Variants in PCNT observed in about 807,000 individuals in gnomAD.
PCNT encodes kendrin.
PCNT carries 319 observed loss-of-function variants against 380.4 expected under a neutral mutation model. That is an observed-to-expected ratio of 0.84 (90% CI 0.77 to 0.92). The LOEUF is 0.92. Among genes scored for constraint, PCNT ranks in the 40% least tolerant of loss-of-function variants. PCNT has a pLI of 0.00. For missense variants in PCNT, 4,400 were observed against 4,255.3 expected, an observed-to-expected ratio of 1.03 and a Z score of -0.95; for synonymous variants, 1,845 against 1,735.2, an observed-to-expected ratio of 1.06 and a Z score of -1.57.
In PCNT at chr21:46,411,925, A is replaced by C. The variant is rs2147677546; in HGVS notation, c.5852A>C (p.Gln1951Pro). Residue 1951 changes from glutamine (Q) to proline (P), a missense_variant, in exon 28 of 47, where the codon CAG (glutamine) becomes CCG (proline). Coordinates refer to ENST00000359568, the MANE Select transcript of PCNT (RefSeq NM_006031.6). ...LRCQVELDRR[Q>P]ARRATAHTRV... ...TGCCAGGTGGAGCTGGACAGGCGGC[A>C]GGCCCGCAGAGCCACAGCTCACACA... 1 of 1,591,248 alleles carries C rather than the reference A, an allele frequency of 6.3e-7. No individual in the cohort carries two copies. Among genetic ancestry groups the C allele is most frequent in the Middle Eastern group, 2.0e-4 (1 of 4,990 alleles).
In PCNT at chr21:46,445,617, C is replaced by G. The variant is rs2148148880; in HGVS notation, c.*290C>G. ...TGCTGTTGTGTGCCTATCGGCAGAT[C>G]CATCCTTCCTGCCTCCAAGGAGGAT... On this transcript the variant is annotated 3_prime_UTR_variant, in exon 47 of 47. Coordinates refer to ENST00000359568, the MANE Select transcript of PCNT (RefSeq NM_006031.6). The G allele has an allele frequency of 2.2e-6, 1 of 449,180 alleles. No individual in the cohort carries two copies. The highest frequency in any genetic ancestry group is 3.8e-5 in the East Asian group (1 of 26,058). The allele number at this position is 449,180 out of a possible 1,614,324, so 27.8% of individuals were successfully genotyped here.
intron 43 of PCNT, among the ~76,000 whole-genome samples, 196 bp downstream of exon 43, chr21:46,441,280 C>A (rs553824655): frequency 1.3e-5 from 2 of 152,326 alleles, no homozygotes; most frequent in African/African-American, 4.8e-5. Flanking sequence ...GAATCTCTCA[C>A]CTTCTAAAAC....
At chr21:46,412,222 G>T (rs1283526237) in intron 28 of PCNT, among the ~76,000 whole-genome samples, 155 bp downstream of exon 28, 3 of 152,234 alleles carry the variant, frequency 2.0e-5, no homozygotes, top group Non-Finnish European at 2.9e-5. Context: ...GCTCGGGCCA[G>T]CCTGGGCCTG....
intron 3 of PCNT, among the ~76,000 whole-genome samples, chr21:46,345,065 A>T (rs2084023042): frequency 6.6e-6 from 1 of 152,152 alleles, no homozygotes; most frequent in Non-Finnish European, 1.5e-5. Flanking sequence ...TTTACCTTTC[A>T]TCGGTACCCA....
chr21:46,376,685 C>T (rs1030580366), intron 15 of PCNT, among the ~76,000 whole-genome samples: 1 of 152,216 alleles, frequency 6.6e-6, no homozygotes, highest in Admixed American at 6.5e-5. Context: ...CCTGTTTGGA[C>T]CTCTTACTCC....
Position 46,359,916 on chromosome 21 carries a change from GCA to G in PCNT, c.2154+2728_2154+2729del, listed in dbSNP as rs562658832. Reference sequence around the variant, plus strand: ...CTATTGCCCAGGCTGGAGTGCAGTGGCACAGTCTTGGCTCACTGCAACCTCTT... The same window carrying G: ...CTATTGCCCAGGCTGGAGTGCAGTGGCAGTCTTGGCTCACTGCAACCTCTT... On this transcript the variant is annotated intron_variant, in intron 13 of 46. Coordinates refer to ENST00000359568, the MANE Select transcript of PCNT (RefSeq NM_006031.6). 4.3e-3 allele frequency among the ~76,000 whole-genome samples: 651 copies of G among 151,258 alleles called. 6 individuals carry two copies. The highest frequency in any genetic ancestry group is 0.015 in the African/African-American group (628 of 41,178).
chr21:46,352,045 G>A (rs1474232343), intron 9 of PCNT, among the ~76,000 whole-genome samples: 1 of 152,228 alleles, frequency 6.6e-6, no homozygotes, highest in Non-Finnish European at 1.5e-5. Context: ...CCCCCATTCC[G>A]TGTCAGAGAG....
intron 21 of PCNT, among the ~76,000 whole-genome samples, chr21:46,393,028 G>A (rs371948202): frequency 1.3e-5 from 2 of 152,198 alleles, no homozygotes; most frequent in Non-Finnish European, 2.9e-5. Flanking sequence ...ACCTCCTGGC[G>A]TTGGGCCCTT....
chr21:46,411,040 G>A, intron 27 of PCNT, 149 bp from the exon 28 acceptor site: 1 of 811,254 alleles, frequency 1.2e-6, no homozygotes, highest in South Asian at 1.5e-5. Context: ...AGTGCATCCG[G>A]CACCAGCAGT....
At chr21:46,345,479 A>G (rs1226317560) in intron 3 of PCNT, among the ~76,000 whole-genome samples, 4 of 151,980 alleles carry the variant, frequency 2.6e-5, no homozygotes, top group African/African-American at 9.7e-5. Context: ...CGGCCTCCCA[A>G]ATTCTGGGAT....
intron 28 of PCNT, 61 bp from the exon 29 acceptor site, chr21:46,412,776 G>T (rs2086831626): frequency 1.9e-6 from 3 of 1,586,242 alleles, no homozygotes; most frequent in Non-Finnish European, 2.6e-6. Flanking sequence ...CAGGCCACCT[G>T]AGGGGCAGCC....
chr21:46,445,714 AAAAAC>A lies in PCNT; in HGVS notation c.*395_*399del, dbSNP rs1038846724. 9 of 193,116 alleles carry A rather than the reference AAAAAC, an allele frequency of 4.7e-5. No individual in the cohort carries two copies. Among genetic ancestry groups the A allele is most frequent in the East Asian group, 2.5e-4 (2 of 8,040 alleles). 12.0% of individuals were successfully genotyped at this position (193,116 alleles called of 1,614,324 possible). ...ACAGATGGAAACTTCATTTAAAAAT[AAAAAC>A]AAAACAACTCAAAAAGGAATAAAAT... On this transcript the variant is annotated 3_prime_UTR_variant, in exon 47 of 47. Transcript: ENST00000359568.
chr21:46,412,817 C>T lies in PCNT; in HGVS notation c.5995-20C>T, dbSNP rs2086833451. The stretch of plus-strand genomic sequence containing the variant: ...AACAGCCTCCTGCATGCTCAGCTTT[C>T]CTCTGTCTCCTCTGTCAAGGGTGAT... On this transcript the variant is annotated intron_variant, in intron 28 of 46. Transcript: ENST00000359568. 5.0e-6 allele frequency: 8 copies of T among 1,608,854 alleles called. No individual in the cohort carries two copies. The highest frequency in any genetic ancestry group is 5.9e-6 in the Non-Finnish European group (7 of 1,179,834).
chr21:46,378,158 C>G (rs1569221962), intron 15 of PCNT, among the ~76,000 whole-genome samples: 2 of 152,064 alleles, frequency 1.3e-5, no homozygotes, highest in East Asian at 1.9e-4. Context: ...GTGGTCGCCC[C>G]TTACCCACAG....
At chr21:46,399,138 A>G (rs572681339) in intron 24 of PCNT, among the ~76,000 whole-genome samples, 11 of 152,158 alleles carry the variant, frequency 7.2e-5, no homozygotes, top group Admixed American at 1.3e-4. Flanking sequence ...ATTCTTTTCT[A>G]TCAGAATAGA....
chr21:46,412,975 C>G lies in PCNT; in HGVS notation c.6133C>G (p.Leu2045Val), dbSNP rs1246736484. The change falls in exon 29 of 47, where the codon CTG (leucine) becomes GTG (valine). Residue 2045 changes from leucine to valine, a missense_variant. Physicochemically the swap from Leu to Val is conservative, Grantham distance 32. Coordinates refer to ENST00000359568, the MANE Select transcript of PCNT (RefSeq NM_006031.6). The part of the protein sequence containing the change: ...LLVKNEMRLS[L>V]EDGGKGKEKV... The stretch of plus-strand genomic sequence containing the variant: ...GGTGAAAAATGAAATGCGCCTGAGT[C>G]TGGAGGACGGCGGCAAGGTGTGGGG... The G allele has an allele frequency of 6.2e-7, 1 of 1,609,166 alleles. No homozygotes were observed. Among genetic ancestry groups the G allele is most frequent in the Admixed American group, 1.7e-5 (1 of 59,976 alleles).
intron 9 of PCNT, 99 bp from the exon 10 acceptor site, chr21:46,353,005 A>C: frequency 2.1e-6 from 2 of 964,262 alleles, no homozygotes; most frequent in Non-Finnish European, 3.3e-6. Flanking sequence ...CCCTTTTCCG[A>C]GTTCTGCCCC....
At chr21:46,353,453 A>G in intron 10 of PCNT, 127 bp downstream of exon 10, 1 of 819,006 alleles carries the variant, frequency 1.2e-6, no homozygotes, top group Non-Finnish European at 2.1e-6. Flanking sequence ...AACACATTTT[A>G]TGGTCCAGAT....
At chr21:46,422,513 G>A (rs2087298166) in intron 32 of PCNT, among the ~76,000 whole-genome samples, 1 of 152,194 alleles carries the variant, frequency 6.6e-6, no homozygotes, top group Non-Finnish European at 1.5e-5. Flanking sequence ...CTCTTCAGAC[G>A]ATGGGAGAGA....
Sources: gnomAD v4.1 joint callset for allele counts (sites outside exome capture counted in the v4.1 genomes callset) on GRCh38, gnomAD v4.1.1 for gene constraint, MANE v1.5 for transcripts, NCBI Gene and HGNC (gene_info 2026-07-23, HGNC 2026-07-21) for gene names.